ZNF57: variants seen among roughly 807,000 people sequenced by gnomAD.
ZNF57 encodes the protein zinc finger protein 57.
ZNF57 carries 11 observed loss-of-function variants against 13.4 expected under a neutral mutation model. That is an observed-to-expected ratio of 0.82 (90% CI 0.52 to 1.36). ZNF57 has a LOEUF of 1.36. ZNF57 is among the 40% of genes most tolerant of loss of function. The pLI is 0.00. For synonymous variants in ZNF57, 224 were observed against 238.5 expected, an observed-to-expected ratio of 0.94 and a Z score of 0.56; for missense variants, 696 against 667.5, an observed-to-expected ratio of 1.04 and a Z score of -0.47.
intron 1 of ZNF57, among the ~76,000 whole-genome samples, chr19:2,913,262 T>C (rs2088157168): frequency 6.6e-6 from 1 of 152,220 alleles, no homozygotes; most frequent in Non-Finnish European, 1.5e-5. Context: ...CAGTTTTGTT[T>C]GATCTTTTCA....
intron 1 of ZNF57, among the ~76,000 whole-genome samples, chr19:2,901,976 G>A (rs1292194170): frequency 2.0e-5 from 3 of 151,966 alleles, no homozygotes; most frequent in Admixed American, 6.6e-5. Flanking sequence ...GGGCTGGGAG[G>A]AATATTACAA....
intron 1 of ZNF57, among the ~76,000 whole-genome samples, chr19:2,904,873 C>A (rs1472590595): frequency 6.6e-6 from 1 of 152,042 alleles, no homozygotes; most frequent in Non-Finnish European, 1.5e-5. Context: ...TGTGTGTGGG[C>A]ATATGTGAGC....
chr19:2,903,961 C>T (rs549678283), intron 1 of ZNF57, among the ~76,000 whole-genome samples: 2 of 152,210 alleles, frequency 1.3e-5, no homozygotes, highest in South Asian at 2.1e-4. Flanking sequence ...GTGTTCCGCT[C>T]GCCTCAGCCT....
chr19:2,916,923 G>T lies in ZNF57; in HGVS notation c.303-1G>T. 1.3e-6 allele frequency: 2 copies of T among 1,560,568 alleles called. No individual in the cohort carries two copies. The highest frequency in any genetic ancestry group is 1.7e-4 in the Middle Eastern group (1 of 5,790). ...ATAAAAATGTCTCTCATTTTTAACA[G>T]AAATCATATGGTGGACAGATTCTGT... On this transcript the variant is annotated splice_acceptor_variant, in intron 3 of 3. Coordinates refer to ENST00000306908, the MANE Select transcript of ZNF57 (RefSeq NM_173480.3). LOFTEE classifies it high-confidence loss of function.
chr19:2,907,086 C>G (rs900303004), intron 1 of ZNF57: 3 of 152,224 alleles, frequency 2.0e-5, no homozygotes. Context: ...TTGCATTTTC[C>G]ACAGAATCTA....
Position 2,917,111 on chromosome 19 carries a change from G to A in ZNF57, c.490G>A (p.Gly164Arg), listed in dbSNP as rs565147293. ...TAAAAGGCACGTCAAGTCTCACTGTGGACGAAAAGCACCTCCAGGTGAGGA... is the reference window on the plus strand; with the variant it reads ...TAAAAGGCACGTCAAGTCTCACTGTAGACGAAAAGCACCTCCAGGTGAGGA... ...SLKRHVKSHC[G>R]RKAPPGEECK... Residue 164 changes from glycine to arginine, a missense_variant, in exon 4 of 4, where the codon GGA becomes AGA. Transcript: ENST00000306908. 2 of 1,613,988 alleles carry A rather than the reference G, an allele frequency of 1.2e-6. No individual in the cohort carries two copies. The highest frequency in any genetic ancestry group is 3.3e-5 in the Admixed American group (2 of 60,000).
At chr19:2,904,634 C>T (rs576431973) in intron 1 of ZNF57, among the ~76,000 whole-genome samples, 44 of 152,132 alleles carry the variant, frequency 2.9e-4, no homozygotes, top group South Asian at 1.7e-3. Flanking sequence ...CTCCACCTCC[C>T]GGGTTCAAGC....
In ZNF57 at chr19:2,910,846, G is replaced by A. The variant is rs561436791; in HGVS notation, c.4-4676G>A. On this transcript the variant is annotated intron_variant, in intron 1 of 3. Transcript: ENST00000306908. ...CCTGACGTCGTGATCCGCCCGCCTCGGCCTCCGGAAGTGCTGGGATGACGG... is the reference window on the plus strand; with the variant it reads ...CCTGACGTCGTGATCCGCCCGCCTCAGCCTCCGGAAGTGCTGGGATGACGG... 2.7e-4 allele frequency among the ~76,000 whole-genome samples: 39 copies of A among 145,598 alleles called. 2 individuals are homozygous for A. The highest frequency in any genetic ancestry group is 9.0e-4 in the African/African-American group (36 of 40,142).
chr19:2,908,903 TC>T (rs570240524), intron 1 of ZNF57, among the ~76,000 whole-genome samples: 3,557 of 43,780 alleles, frequency 0.081, 73 homozygotes, highest in Middle Eastern at 0.31. Flanking sequence ...ATGTTGTTTC[TC>T]TTTTTTTCCT....
In ZNF57 at chr19:2,905,637, C is replaced by T. The variant is rs944313949; in HGVS notation, c.3+4589C>T. ...AAAATTAGCCGGGTGTGGTGGTGGG[C>T]GCCTGTAGTCCCAGCTACTCGGGAG... is the stretch of plus-strand genomic sequence containing the variant. On this transcript the variant is annotated intron_variant, in intron 1 of 3. Coordinates refer to ENST00000306908, the MANE Select transcript of ZNF57 (RefSeq NM_173480.3). Among the ~76,000 whole-genome samples, 3 of 151,232 alleles carry T rather than the reference C, an allele frequency of 2.0e-5. No homozygotes were observed. The South Asian group carries it at 6.3e-4, about 32-fold the overall frequency.
chr19:2,901,168 C>G, intron 1 of ZNF57, 120 bp downstream of exon 1: 1 of 1,316,280 alleles, frequency 7.6e-7, no homozygotes. Flanking sequence ...CGGCGCAGGA[C>G]TAGCACCTGG....
intron 1 of ZNF57, among the ~76,000 whole-genome samples, chr19:2,907,887 T>TA (rs945522750): frequency 3.3e-5 from 5 of 152,062 alleles, no homozygotes; most frequent in African/African-American, 4.8e-5. Context: ...TTAAAAATAA[T>TA]AAAAAAATTG....
At position 2,911,474 on chromosome 19, in the gene ZNF57, A is replaced by C. The variant is rs1167145883; in HGVS notation, c.4-4048A>C. 1.3e-5 allele frequency among the ~76,000 whole-genome samples: 2 copies of C among 151,392 alleles called. 1 individual carries two copies. Among genetic ancestry groups the C allele is most frequent in the African/African-American group, 4.8e-5 (2 of 41,278 alleles). On this transcript the variant is annotated intron_variant, in intron 1 of 3. Transcript: ENST00000306908. ...CCTGAACCCGAGAGGCAGAGGTTGCAGTGAACTGAGATTGTGTCATCGCAC... is the reference window on the plus strand; with the variant it reads ...CCTGAACCCGAGAGGCAGAGGTTGCCGTGAACTGAGATTGTGTCATCGCAC...
intron 1 of ZNF57, among the ~76,000 whole-genome samples, chr19:2,904,130 T>C (rs1334418038): frequency 6.6e-6 from 1 of 152,188 alleles, no homozygotes. Flanking sequence ...CCCAAAGTGC[T>C]GGGATTACAA....
At position 2,917,921 on chromosome 19, in the gene ZNF57, A is replaced by G. The variant is rs756301492; in HGVS notation, c.1300A>G (p.Thr434Ala). The change falls in exon 4 of 4, where the codon ACG becomes GCG. Residue 434 changes from threonine (T) to alanine (A), a missense_variant. Physicochemically the swap from Thr to Ala is moderately conservative, Grantham distance 58. Coordinates refer to ENST00000306908, the MANE Select transcript of ZNF57 (RefSeq NM_173480.3). ...QCGKTFTWSSTFREHVRIHTQ... is the reference protein window; with the variant it reads ...QCGKTFTWSSAFREHVRIHTQ... ...TGGAAAAACCTTCACTTGGTCCTCAACGTTTAGAGAACATGTGAGAATTCA... is the reference window on the plus strand; with the variant it reads ...TGGAAAAACCTTCACTTGGTCCTCAGCGTTTAGAGAACATGTGAGAATTCA... The G allele has an allele frequency of 8.7e-6, 14 of 1,613,922 alleles. No homozygotes were observed. In the South Asian group the frequency reaches 1.4e-4, roughly 16 times the overall value.
At chr19:2,909,277 T>TTTTG (rs1555677917) in intron 1 of ZNF57, among the ~76,000 whole-genome samples, 6 of 119,452 alleles carry the variant, frequency 5.0e-5, no homozygotes, top group East Asian at 2.7e-4. Context: ...TTTTATTTAT[T>TTTTG]TTTGTTTTTT....
intron 3 of ZNF57, 42 bp downstream of exon 3, chr19:2,916,291 A>T (rs770674720): frequency 6.6e-7 from 1 of 1,521,298 alleles, no homozygotes; most frequent in Non-Finnish European, 8.9e-7. Context: ...TATGCAATTA[A>T]ATATATATCT....
chr19:2,914,551 G>A (rs914143484), intron 1 of ZNF57, among the ~76,000 whole-genome samples: 5 of 152,144 alleles, frequency 3.3e-5, no homozygotes, highest in Admixed American at 3.3e-4. Context: ...CACTGCACCC[G>A]GCCACTACTT....
In ZNF57 at chr19:2,918,217, C is replaced by T. The variant is rs755336833; in HGVS notation, c.1596C>T (p.His532=). Residue 532 remains histidine, a synonymous_variant, in exon 4 of 4, where the codon CAC becomes CAT. Coordinates refer to ENST00000306908, the MANE Select transcript of ZNF57 (RefSeq NM_173480.3). ...GGATGCACACAGGACAGAAATCCCACGAATGTCAGTCATACTCAAAAGCCT... is the reference window on the plus strand; with the variant it reads ...GGATGCACACAGGACAGAAATCCCATGAATGTCAGTCATACTCAAAAGCCT... ...HLRMHTGQKS[H]ECQSYSKAFS... is the part of the protein sequence containing the mutation. 1.5e-5 allele frequency: 24 copies of T among 1,613,978 alleles called. No individual in the cohort carries two copies. The highest frequency in any genetic ancestry group is 2.7e-5 in the African/African-American group (2 of 74,946).
Sources: gnomAD v4.1 joint callset for allele counts (sites outside exome capture counted in the v4.1 genomes callset) on GRCh38, gnomAD v4.1.1 for gene constraint, MANE v1.5 for transcripts, NCBI Gene and HGNC (gene_info 2026-07-23, HGNC 2026-07-21) for gene names.